The following GPC5 variants were observed in gnomAD, a reference collection of about 807,000 sequenced individuals.
GPC5 encodes glypican 5.
In GPC5, 47 loss-of-function variants were observed where a neutral mutation model predicts 53.9. The observed-to-expected ratio is 0.87, with a 90% CI of 0.69 to 1.11. GPC5 has a LOEUF of 1.11. GPC5 is among the 50% of genes most tolerant of loss of function. GPC5 has a pLI of 0.00. For synonymous variants in GPC5, 286 were observed against 263.3 expected, an observed-to-expected ratio of 1.09 and a Z score of -0.84; for missense variants, 748 against 713.1, an observed-to-expected ratio of 1.05 and a Z score of -0.56.
At chr13:92,520,488 T>C (rs1468117499) in intron 7 of GPC5, among the ~76,000 whole-genome samples, 8 of 152,116 alleles carry the variant, frequency 5.3e-5, no homozygotes, top group Non-Finnish European at 7.4e-5. Flanking sequence ...CACAAATCAA[T>C]AAACATAATC....
intron 6 of GPC5, among the ~76,000 whole-genome samples, chr13:92,002,668 A>C (rs2040565953): frequency 6.6e-6 from 1 of 152,250 alleles, no homozygotes. Context: ...GCAGTATGCT[A>C]TTTAAAGTAA....
At chr13:91,586,170 G>A (rs555162079) in intron 2 of GPC5, among the ~76,000 whole-genome samples, 6 of 150,718 alleles carry the variant, frequency 4.0e-5, no homozygotes, top group East Asian at 4.0e-4. Flanking sequence ...AACAATTTGC[G>A]GCTTACAATA....
chr13:91,616,595 A>G (rs1158739491), intron 2 of GPC5, among the ~76,000 whole-genome samples: 2 of 152,122 alleles, frequency 1.3e-5, no homozygotes, highest in East Asian at 3.9e-4. Flanking sequence ...TTAATTGTTT[A>G]TCTCTGCCAA....
chr13:91,978,270 G>A (rs926143731), intron 6 of GPC5, among the ~76,000 whole-genome samples: 11 of 152,096 alleles, frequency 7.2e-5, no homozygotes, highest in South Asian at 2.1e-4. Flanking sequence ...TTTCCAAATC[G>A]TATTAACACA....
chr13:92,250,593 G>A (rs2042685559), intron 7 of GPC5, among the ~76,000 whole-genome samples: 1 of 152,012 alleles, frequency 6.6e-6, no homozygotes. Context: ...AGGCTCATCA[G>A]GAATAGCTTG....
chr13:91,555,194 T>C (rs1032115023), intron 2 of GPC5, among the ~76,000 whole-genome samples: 1 of 152,056 alleles, frequency 6.6e-6, no homozygotes, highest in Non-Finnish European at 1.5e-5. Context: ...CACCAGGATA[T>C]TGATTGATAC....
intron 2 of GPC5, among the ~76,000 whole-genome samples, chr13:91,560,655 T>C (rs945532): frequency 0.41 from 61,590 of 151,912 alleles, 14,855 homozygotes; most frequent in African/African-American, 0.69. Flanking sequence ...ACAAAGGTCT[T>C]GCAGCACCCT....
chr13:92,262,093 T>C (rs1028398494), intron 7 of GPC5, among the ~76,000 whole-genome samples: 1 of 152,146 alleles, frequency 6.6e-6, no homozygotes. Flanking sequence ...TACCTGCCTA[T>C]ATTTGAGGGA....
Position 91,570,489 on chromosome 13 carries a change from A to G in GPC5, c.325+121567A>G, listed in dbSNP as rs968032061. Among the ~76,000 whole-genome samples, 66 of 152,332 alleles carry G rather than the reference A, an allele frequency of 4.3e-4. 1 individual carries two copies. The highest frequency in any genetic ancestry group is 4.3e-3 in the Admixed American group (66 of 15,288). On this transcript the variant is annotated intron_variant, in intron 2 of 7. Transcript: ENST00000377067. ...TTTTGGTTAGGGATACTCAACCTGTATTATACTTAGAAAATATTTAAAATT... is the reference window on the plus strand; with the variant it reads ...TTTTGGTTAGGGATACTCAACCTGTGTTATACTTAGAAAATATTTAAAATT...
intron 3 of GPC5, among the ~76,000 whole-genome samples, chr13:91,697,603 G>A (rs1003918263): frequency 4.6e-5 from 7 of 151,984 alleles, no homozygotes; most frequent in East Asian, 1.9e-4. Flanking sequence ...AGTCTCTAAC[G>A]TATTTTTAAT....
chr13:92,460,920 T>A (rs192055185), intron 7 of GPC5, among the ~76,000 whole-genome samples: 2 of 152,282 alleles, frequency 1.3e-5, no homozygotes, highest in Admixed American at 1.3e-4. Flanking sequence ...AGGTATGAGT[T>A]GTATTGCAGG....
rs113888007 is a variant in GPC5 at position 92,632,533 on chromosome 13, A to G, written c.1562-233749A>G. On this transcript the variant is annotated intron_variant, in intron 7 of 7. Transcript: ENST00000377067. ...ACATATACATACACACACACAAGCT[A>G]CCTGTATAGTTTATATATTCCAATT... Among the ~76,000 whole-genome samples, 858 of 149,074 alleles carry G rather than the reference A, an allele frequency of 5.8e-3. 2 individuals are homozygous for G. The highest frequency in any genetic ancestry group is 0.014 in the Middle Eastern group (4 of 280).
intron 2 of GPC5, among the ~76,000 whole-genome samples, chr13:91,645,032 T>G (rs73607979): frequency 0.074 from 11,292 of 152,268 alleles, 1,400 homozygotes; most frequent in African/African-American, 0.26. Context: ...TATGTTGAAA[T>G]ATGGCTGAAT....
chr13:92,472,513 A>C (rs183305215), intron 7 of GPC5, among the ~76,000 whole-genome samples: 3 of 152,262 alleles, frequency 2.0e-5, no homozygotes, highest in Admixed American at 1.3e-4. Context: ...CAGAAGATGC[A>C]AATACCTCTT....
chr13:91,694,014 G>A lies in GPC5; in HGVS notation c.1020+133G>A, dbSNP rs748838269. 2.1e-5 allele frequency: 16 copies of A among 745,324 alleles called. 1 individual carries two copies. Among genetic ancestry groups the A allele is most frequent in the East Asian group, 5.5e-5 (2 of 36,674 alleles). 46.2% of individuals were successfully genotyped at this position (745,324 alleles called of 1,614,324 possible). On this transcript the variant is annotated intron_variant, in intron 3 of 7. Coordinates refer to ENST00000377067, the MANE Select transcript of GPC5 (RefSeq NM_004466.6). ...AAGATATTATTTTTTTATATCTTAT[G>A]ATAAAATTTTGATTGGCTGAAATAC...
intron 2 of GPC5, among the ~76,000 whole-genome samples, chr13:91,543,577 A>G (rs1594231969): frequency 6.6e-6 from 1 of 151,478 alleles, no homozygotes; most frequent in East Asian, 1.9e-4. Context: ...GTTATAGTAA[A>G]AATACCTATA....
Position 92,571,115 on chromosome 13 carries a change from T to C in GPC5, c.1562-295167T>C, listed in dbSNP as rs142182418. On this transcript the variant is annotated intron_variant, in intron 7 of 7. Coordinates refer to ENST00000377067, the MANE Select transcript of GPC5 (RefSeq NM_004466.6). ...GGGAAATATACAATCAGTTGTTGCA[T>C]ACATAATTTGAGAGGGGGCTAGTTT... Among the ~76,000 whole-genome samples the C allele has an allele frequency of 3.1e-3, 472 of 152,250 alleles. 1 individual carries two copies. Among genetic ancestry groups the C allele is most frequent in the African/African-American group, 0.011 (455 of 41,544 alleles).
chr13:91,742,320 A>G, intron 4 of GPC5, among the ~76,000 whole-genome samples: 1 of 152,192 alleles, frequency 6.6e-6, no homozygotes. Flanking sequence ...ATGTTCCCAG[A>G]AAAAGAAAGT....
chr13:92,294,359 T>A (rs1243274000), intron 7 of GPC5, among the ~76,000 whole-genome samples: 1 of 152,172 alleles, frequency 6.6e-6, no homozygotes, highest in Non-Finnish European at 1.5e-5. Context: ...ATTTTTAAAT[T>A]ACCATTTCAA....
Sources: allele counts gnomAD v4.1 joint callset (sites outside exome capture counted in the v4.1 genomes callset), GRCh38; gene constraint gnomAD v4.1.1; transcripts MANE v1.5; gene names NCBI Gene and HGNC (gene_info 2026-07-23, HGNC 2026-07-21).